Variants in C5orf46 observed in about 807,000 individuals in gnomAD.
C5orf46 encodes the protein uncharacterized protein C5orf46.
Under a neutral mutation model 8.9 loss-of-function variants are expected in C5orf46, and 9 were observed. The ratio of observed to expected loss-of-function variants is 1.01; its 90% CI spans 0.61 to 1.76. The LOEUF is 1.76. Ranked by LOEUF, C5orf46 falls within the 40% of genes most tolerant of loss-of-function variation. The pLI is 0.00. For synonymous variants in C5orf46, 47 were observed against 41.4 expected (o/e 1.14, Z -0.52); for missense variants, 98 against 107.8 (o/e 0.91, Z 0.40).
intron 2 of C5orf46, among the ~76,000 whole-genome samples, chr5:147,897,279 C>T (rs1757596604): frequency 6.6e-6 from 1 of 152,170 alleles, no homozygotes; most frequent in South Asian, 2.1e-4. Context: ...CACACATAAA[C>T]TCCATAAAGT....
At chr5:147,901,903 C>G in intron 1 of C5orf46, 130 bp from the exon 2 acceptor site, 1 of 913,854 alleles carries the variant, frequency 1.1e-6, no homozygotes, top group Non-Finnish European at 1.6e-6. Context: ...TTATATTCAT[C>G]GAACATTTAA....
At chr5:147,893,550 C>T (rs1757534992) in intron 3 of C5orf46, among the ~76,000 whole-genome samples, 1 of 150,828 alleles carries the variant, frequency 6.6e-6, no homozygotes, top group African/African-American at 2.4e-5. Context: ...TCCCAAAGTG[C>T]TGGGATTACG....
intron 3 of C5orf46, 56 bp from the exon 4 acceptor site, chr5:147,892,995 A>G (rs1308411097): frequency 6.6e-6 from 1 of 152,234 alleles, no homozygotes; most frequent in East Asian, 1.9e-4. Flanking sequence ...CTGGTTTAAG[A>G]CGTTAAATAA....
rs976077876 is a variant in C5orf46 at position 147,896,647 on chromosome 5, T to G, written c.*9+337A>C. ...TTCTTATGAGTAACTAACTGCATGA[T>G]TACGTGGGTCCTTAGATTGCTAGTG... On this transcript the variant is annotated intron_variant, in intron 3 of 3. Transcript: ENST00000318315. Among the ~76,000 whole-genome samples, 11 of 152,248 alleles carry G rather than the reference T, an allele frequency of 7.2e-5. No individual in the cohort carries two copies. The East Asian group carries it at 2.1e-3, about 29-fold the overall frequency.
At chr5:147,887,525 T>C (rs1192355316) in intron 2 of C5orf46, 2 of 152,194 alleles carry the variant, frequency 1.3e-5, no homozygotes, top group Admixed American at 1.3e-4. Flanking sequence ...GTTTCCTCCA[T>C]ATATTTTCGA....
intron 1 of C5orf46, among the ~76,000 whole-genome samples, chr5:147,902,840 CATAA>C (rs1438791298): frequency 6.6e-6 from 1 of 152,176 alleles, no homozygotes; most frequent in Non-Finnish European, 1.5e-5. Flanking sequence ...CTAGTAGTTT[CATAA>C]ATAGTGATTT....
At chr5:147,894,421 G>A (rs908849044) in intron 3 of C5orf46, among the ~76,000 whole-genome samples, 1 of 152,094 alleles carries the variant, frequency 6.6e-6, no homozygotes, top group African/African-American at 2.4e-5. Flanking sequence ...AGATGAACCA[G>A]GTATTCGGTT....
At chr5:147,889,202 T>C (rs1757467687), downstream of C5orf46, among the ~76,000 whole-genome samples, 1 of 152,164 alleles carries the variant, frequency 6.6e-6, no homozygotes, top group Non-Finnish European at 1.5e-5. Context: ...GAATAGCTTT[T>C]TAAAGATTTC....
intron 1 of C5orf46, among the ~76,000 whole-genome samples, chr5:147,904,646 C>T (rs1308009729): frequency 6.6e-6 from 1 of 151,980 alleles, no homozygotes; most frequent in Non-Finnish European, 1.5e-5. Context: ...AGCTTGTGAA[C>T]CCCATATATA....
At position 147,901,447 on chromosome 5, in the gene C5orf46, G is replaced by T. The variant is rs1490048017; in HGVS notation, c.215+182C>A. 2.1e-5 allele frequency: 11 copies of T among 518,758 alleles called. No individual in the cohort carries two copies. In the South Asian group the frequency reaches 4.1e-4, roughly 19 times the overall value. The allele number at this position is 518,758 out of a possible 1,614,324, so 32.1% of individuals were successfully genotyped here. ...ATGGGAATGTCCTTTCCCCCAAAAA[G>T]CTCAGGGCAGTTGATTCAGATGCAA... On this transcript the variant is annotated intron_variant, in intron 2 of 3. Coordinates refer to ENST00000318315, the MANE Select transcript of C5orf46 (RefSeq NM_206966.3).
At chr5:147,895,903 G>T (rs1197402703) in intron 3 of C5orf46, among the ~76,000 whole-genome samples, 1 of 152,142 alleles carries the variant, frequency 6.6e-6, no homozygotes, top group Non-Finnish European at 1.5e-5. Flanking sequence ...GAAAGGGTGG[G>T]CTAAGTTCCG....
intron 3 of C5orf46, among the ~76,000 whole-genome samples, chr5:147,896,118 T>C (rs1757576368): frequency 6.6e-6 from 1 of 152,158 alleles, no homozygotes; most frequent in Non-Finnish European, 1.5e-5. Flanking sequence ...ATGACTTAGA[T>C]TACTTAGCTT....
intron 1 of C5orf46, among the ~76,000 whole-genome samples, chr5:147,903,993 C>T (rs1181155812): frequency 6.6e-6 from 1 of 152,080 alleles, no homozygotes; most frequent in African/African-American, 2.4e-5. Flanking sequence ...AGTGATCTGC[C>T]CACGTCGGCC....
chr5:147,890,082 T>C (rs1757479885), downstream of C5orf46, among the ~76,000 whole-genome samples: 1 of 152,178 alleles, frequency 6.6e-6, no homozygotes, highest in South Asian at 2.1e-4. Flanking sequence ...ATCAGAGAAA[T>C]CTTTCCGGAT....
chr5:147,905,805 A>C (rs1757742713), intron 1 of C5orf46, among the ~76,000 whole-genome samples: 3 of 152,222 alleles, frequency 2.0e-5, no homozygotes, highest in Admixed American at 1.3e-4. Context: ...CCTGTTTATT[A>C]ACCTGCAAAA....
chr5:147,894,935 C>A (rs1757558290), intron 3 of C5orf46, among the ~76,000 whole-genome samples: 1 of 151,630 alleles, frequency 6.6e-6, no homozygotes, highest in Admixed American at 6.6e-5. Context: ...TGGTGATGCA[C>A]ACCTGTAGTC....
chr5:147,896,860 A>C, intron 3 of C5orf46, 124 bp downstream of exon 3: 1 of 435,740 alleles, frequency 2.3e-6, no homozygotes, highest in East Asian at 3.5e-5. Context: ...ATTTTTTTAA[A>C]ATGTACTTTT....
At chr5:147,901,035 C>T (rs1194656224) in intron 2 of C5orf46, among the ~76,000 whole-genome samples, 2 of 152,160 alleles carry the variant, frequency 1.3e-5, no homozygotes, top group African/African-American at 2.4e-5. Flanking sequence ...TGAAAACCAA[C>T]ACTCATGTTG....
chr5:147,898,022 G>T, intron 2 of C5orf46, among the ~76,000 whole-genome samples: 1 of 152,112 alleles, frequency 6.6e-6, no homozygotes, highest in East Asian at 1.9e-4. Flanking sequence ...TTGAATTTTG[G>T]AGGCAATGGA....
Sources: gnomAD v4.1 joint callset for allele counts (sites outside exome capture counted in the v4.1 genomes callset) on GRCh38, gnomAD v4.1.1 for gene constraint, MANE v1.5 for transcripts, NCBI Gene and HGNC (gene_info 2026-07-23, HGNC 2026-07-21) for gene names.